The following ERC2 variants were observed in gnomAD, a reference collection of about 807,000 sequenced individuals.
ERC2 encodes ERC protein 2.
ERC2 carries 42 observed loss-of-function variants against 114.8 expected under a neutral mutation model. That is an observed-to-expected ratio of 0.37 (90% CI 0.29 to 0.47). ERC2 has a LOEUF of 0.47. ERC2 is among the 20% of genes least tolerant of loss of function. ERC2 has a pLI of 0.99. For synonymous variants in ERC2, 454 were observed against 425.5 expected (o/e 1.07, Z -0.82); for missense variants, 939 against 1,150.7 (o/e 0.82, Z 2.66).
At chr3:55,785,535 T>C (rs541600369) in intron 14 of ERC2, among the ~76,000 whole-genome samples, 122 of 152,336 alleles carry the variant, frequency 8.0e-4, no homozygotes, top group Non-Finnish European at 1.4e-3. Context: ...TCCAATGCCC[T>C]GCATTCCTCA....
chr3:56,457,486 A>G (rs1277579018), intron 1 of ERC2, among the ~76,000 whole-genome samples: 1 of 152,164 alleles, frequency 6.6e-6, no homozygotes, highest in Non-Finnish European at 1.5e-5. Flanking sequence ...CACTCCCACA[A>G]GCATCAAAAG....
intron 17 of ERC2, among the ~76,000 whole-genome samples, chr3:55,549,608 G>A (rs1199696914): frequency 6.6e-6 from 1 of 150,492 alleles, no homozygotes; most frequent in Admixed American, 6.7e-5. Context: ...TATTCCAGAT[G>A]AGGAAACGGA....
Position 56,138,048 on chromosome 3 carries a change from TTTC to T in ERC2, c.1473+1458_1473+1460del, listed in dbSNP as rs1311885975. 1.6e-3 allele frequency among the ~76,000 whole-genome samples: 242 copies of T among 149,312 alleles called. 3 individuals carry two copies. The highest frequency in any genetic ancestry group is 5.9e-3 in the African/African-American group (237 of 40,352). On this transcript the variant is annotated intron_variant, in intron 6 of 17. Transcript: ENST00000288221. ...GAACTATACACAACTGAAAATGGTA[TTTC>T]TTTTTTTTTTTTTTTTTTTTTTTTT...
chr3:56,161,463 G>A (rs1319553726), intron 4 of ERC2, among the ~76,000 whole-genome samples: 5 of 152,184 alleles, frequency 3.3e-5, no homozygotes, highest in Admixed American at 3.3e-4. Flanking sequence ...GATAGGAATA[G>A]CATTGAATCT....
intron 3 of ERC2, among the ~76,000 whole-genome samples, chr3:56,229,648 G>A (rs1027142874): frequency 2.6e-5 from 4 of 152,038 alleles, no homozygotes; most frequent in Non-Finnish European, 4.4e-5. Flanking sequence ...TTTTCCAGAA[G>A]GCTTCTAGTC....
intron 3 of ERC2, among the ~76,000 whole-genome samples, chr3:56,211,203 A>C (rs2049038903): frequency 6.6e-6 from 1 of 152,130 alleles, no homozygotes; most frequent in African/African-American, 2.4e-5. Flanking sequence ...GAAAACCCTA[A>C]AGACTCATCC....
chr3:55,783,563 GC>G (rs1485985741), intron 14 of ERC2, among the ~76,000 whole-genome samples: 1 of 152,172 alleles, frequency 6.6e-6, no homozygotes, highest in East Asian at 1.9e-4. Context: ...TAGAATGACA[GC>G]CCTAAAATAA....
intron 15 of ERC2, among the ~76,000 whole-genome samples, chr3:55,716,273 TTGTC>T (rs1387189311): frequency 6.6e-6 from 1 of 152,208 alleles, no homozygotes; most frequent in Non-Finnish European, 1.5e-5. Context: ...CTCCCAAAGA[TTGTC>T]TGTCTCTAAT....
At chr3:55,850,845 A>ACACACAC (rs2061537172) in intron 14 of ERC2, among the ~76,000 whole-genome samples, 2 of 125,958 alleles carry the variant, frequency 1.6e-5, no homozygotes, top group South Asian at 3.0e-4. Flanking sequence ...CTCTTTTTCA[A>ACACACAC]ACACACACAC....
intron 14 of ERC2, among the ~76,000 whole-genome samples, chr3:55,755,670 A>G (rs2148980907): frequency 6.6e-6 from 1 of 152,270 alleles, no homozygotes; most frequent in Non-Finnish European, 1.5e-5. Context: ...GAATCATGGG[A>G]GGCATTTGTA....
At chr3:55,892,133 TTAAG>T (rs2063640095) in intron 13 of ERC2, among the ~76,000 whole-genome samples, 1 of 152,216 alleles carries the variant, frequency 6.6e-6, no homozygotes. Context: ...TATGGGCACA[TTAAG>T]TGAGATGATG....
chr3:56,401,863 C>G lies in ERC2; in HGVS notation c.657+32488G>C, dbSNP rs1300835140. 2.0e-5 allele frequency among the ~76,000 whole-genome samples: 3 copies of G among 152,202 alleles called. No individual in the cohort carries two copies. In the East Asian group the frequency reaches 5.8e-4, roughly 29 times the overall value. ...TCTGTTCTCACACTGCTAATACATA[C>G]ATACCCGAGACTGGGTAATTTATAA... is the stretch of plus-strand genomic sequence containing the variant. On this transcript the variant is annotated intron_variant, in intron 2 of 17. Transcript: ENST00000288221.
Position 55,543,873 on chromosome 3 carries a change from T to C in ERC2, c.*40-32597A>G, listed in dbSNP as rs138360679. ...TCCCACTCTCTCTCGAAGCCTTACCTCTCACCACTAATCAACTCCACCTCC... is the reference window on the plus strand; with the variant it reads ...TCCCACTCTCTCTCGAAGCCTTACCCCTCACCACTAATCAACTCCACCTCC... On this transcript the variant is annotated intron_variant, in intron 17 of 17. Transcript: ENST00000288221. Among the ~76,000 whole-genome samples the C allele has an allele frequency of 4.6e-3, 700 of 152,290 alleles. 8 individuals carry two copies. Among genetic ancestry groups the C allele is most frequent in the Middle Eastern group, 0.02 (6 of 294 alleles).
intron 4 of ERC2, among the ~76,000 whole-genome samples, chr3:56,157,981 A>G (rs1031521027): frequency 2.0e-5 from 3 of 152,324 alleles, no homozygotes; most frequent in African/African-American, 7.2e-5. Flanking sequence ...AATAAACGGT[A>G]GGCTGGGAAC....
intron 6 of ERC2, among the ~76,000 whole-genome samples, chr3:56,087,048 T>A (rs2077541003): frequency 6.6e-6 from 1 of 152,166 alleles, no homozygotes; most frequent in Non-Finnish European, 1.5e-5. Context: ...ATATAGTCCA[T>A]GCACAAAGAC....
chr3:55,733,464 T>TCA (rs60980671), intron 15 of ERC2, among the ~76,000 whole-genome samples: 6,261 of 134,006 alleles, frequency 0.047, 197 homozygotes, highest in African/African-American at 0.064. Flanking sequence ...TCTCTCTCTC[T>TCA]CACACACACA....
At chr3:56,305,731 T>A (rs536684931) in intron 2 of ERC2, among the ~76,000 whole-genome samples, 15 of 152,264 alleles carry the variant, frequency 9.9e-5, no homozygotes, top group Non-Finnish European at 1.5e-4. Flanking sequence ...GAATTTGCCA[T>A]ACCTGAAGCC....
At chr3:56,113,166 T>C (rs2149834934) in intron 6 of ERC2, among the ~76,000 whole-genome samples, 1 of 152,190 alleles carries the variant, frequency 6.6e-6, no homozygotes, top group Non-Finnish European at 1.5e-5. Flanking sequence ...AGATTCTATA[T>C]CAGAGCCATG....
chr3:55,552,318 G>A (rs1254073145), intron 17 of ERC2, among the ~76,000 whole-genome samples: 4 of 152,280 alleles, frequency 2.6e-5, no homozygotes, highest in South Asian at 4.2e-4. Flanking sequence ...CCAGCAAAGC[G>A]CTCTCTGTTT....
Sources: allele counts gnomAD v4.1 joint callset (sites outside exome capture counted in the v4.1 genomes callset), GRCh38; gene constraint gnomAD v4.1.1; transcripts MANE v1.5; gene names NCBI Gene and HGNC (gene_info 2026-07-23, HGNC 2026-07-21).